The following LRP1B variants were observed in gnomAD, a reference collection of about 807,000 sequenced individuals.
The protein encoded by LRP1B is low-density lipoprotein receptor-related protein 1B.
LRP1B carries 217 observed loss-of-function variants against 556.6 expected under a neutral mutation model. The observed-to-expected ratio is 0.39, with a 90% CI of 0.35 to 0.44. The LOEUF (loss-of-function observed/expected upper bound fraction) is 0.44, where lower values mean the gene tolerates loss of function less well. Among genes scored for constraint, LRP1B ranks in the 20% least tolerant of loss-of-function variants. The pLI is 1.00. For synonymous variants in LRP1B, 2,047 were observed against 1,865.8 expected, an observed-to-expected ratio of 1.10 and a Z score of -2.50; for missense variants, 5,053 against 5,620.8, an observed-to-expected ratio of 0.90 and a Z score of 3.23.
chr2:141,554,366 G>C (rs947913723), intron 2 of LRP1B, among the ~76,000 whole-genome samples: 32 of 149,172 alleles, frequency 2.1e-4, no homozygotes, highest in East Asian at 6.1e-4. Context: ...CATAGATATA[G>C]ATTATATATC....
chr2:140,406,997 T>C (rs903021083), intron 66 of LRP1B, among the ~76,000 whole-genome samples: 1 of 152,048 alleles, frequency 6.6e-6, no homozygotes, highest in African/African-American at 2.4e-5. Context: ...AATCGGCACG[T>C]AGGCCAGTAG....
rs531043547 is a variant in LRP1B, at chr2:140,614,542, C to T, written c.6800-12903G>A. ...TCTATTCTAAACAAATATTTTTTGT[C>T]TGTTGAGAATAAGAGCAGAAAATTG... On this transcript the variant is annotated intron_variant, in intron 41 of 90. Transcript: ENST00000389484. Among the ~76,000 whole-genome samples, 19 of 152,066 alleles carry T rather than the reference C, an allele frequency of 1.2e-4. No homozygotes were observed. In the South Asian group the frequency reaches 3.9e-3, roughly 32 times the overall value.
At chr2:141,057,597 T>C (rs1463224970) in intron 9 of LRP1B, among the ~76,000 whole-genome samples, 1 of 151,854 alleles carries the variant, frequency 6.6e-6, no homozygotes, top group Non-Finnish European at 1.5e-5. Flanking sequence ...TCATGAGATC[T>C]GATGGTTTTA....
At position 140,308,858 on chromosome 2, in the gene LRP1B, A is replaced by C. The variant is rs186281785; in HGVS notation, c.12805+6077T>G. ...CTCAAAACATTTCTACTATTTGGACAGTAGCCACATTCCTGTCCCTTTATA... is the reference window on the plus strand; with the variant it reads ...CTCAAAACATTTCTACTATTTGGACCGTAGCCACATTCCTGTCCCTTTATA... On this transcript the variant is annotated intron_variant, in intron 83 of 90. Coordinates refer to ENST00000389484, the MANE Select transcript of LRP1B (RefSeq NM_018557.3). Among the ~76,000 whole-genome samples the C allele has an allele frequency of 2.6e-4, 40 of 151,962 alleles. 1 individual carries two copies. The highest frequency in any genetic ancestry group is 6.8e-3 in the Middle Eastern group (2 of 294).
At position 140,760,491 on chromosome 2, in the gene LRP1B, G is replaced by C. The variant is rs550411955; in HGVS notation, c.5758+8722C>G. On this transcript the variant is annotated intron_variant, in intron 35 of 90. Coordinates refer to ENST00000389484, the MANE Select transcript of LRP1B (RefSeq NM_018557.3). ...AAATTATCAGTACTAGGGCTACCTT[G>C]CTCCCTAGCTTGGCCTTCTGAATCC... 6.6e-5 allele frequency among the ~76,000 whole-genome samples: 10 copies of C among 152,294 alleles called. No individual in the cohort carries two copies. In the South Asian group the frequency reaches 1.7e-3, roughly 25 times the overall value.
At chr2:141,065,335 A>G (rs555031893) in intron 7 of LRP1B, among the ~76,000 whole-genome samples, 14 of 152,094 alleles carry the variant, frequency 9.2e-5, no homozygotes, top group African/African-American at 3.4e-4. Context: ...TATATCTCTC[A>G]TAATCAATTC....
chr2:141,911,435 A>C (rs1367700730), intron 1 of LRP1B, among the ~76,000 whole-genome samples: 1 of 152,140 alleles, frequency 6.6e-6, no homozygotes, highest in East Asian at 1.9e-4. Context: ...ACCCCTACCT[A>C]GTTTATTTCT....
chr2:140,834,005 C>T (rs1449755245), intron 31 of LRP1B, among the ~76,000 whole-genome samples: 2 of 152,154 alleles, frequency 1.3e-5, no homozygotes, highest in East Asian at 1.9e-4. Context: ...GTTGCCGATA[C>T]TATTGTTTAT....
intron 7 of LRP1B, among the ~76,000 whole-genome samples, chr2:141,137,222 C>T (rs2105044133): frequency 6.6e-6 from 1 of 151,994 alleles, no homozygotes; most frequent in East Asian, 1.9e-4. Flanking sequence ...GAACATCGGC[C>T]TAATAGACTT....
intron 43 of LRP1B, among the ~76,000 whole-genome samples, chr2:140,573,566 G>A (rs937745576): frequency 6.6e-6 from 1 of 151,988 alleles, no homozygotes; most frequent in African/African-American, 2.4e-5. Context: ...AATGCACTGA[G>A]TTTTTATTCT....
At chr2:140,281,506 AATGATCATATAGG>A (rs1682911474) in intron 84 of LRP1B, among the ~76,000 whole-genome samples, 1 of 151,830 alleles carries the variant, frequency 6.6e-6, no homozygotes, top group Non-Finnish European at 1.5e-5. Context: ...GCTAATACAG[AATGATCATATAGG>A]AGAAACTATA....
In LRP1B at chr2:141,126,538, A is replaced by G. The variant is rs1215103562; in HGVS notation, c.1013+61883T>C. ...TCATTTCTTGACTCTCAAGCCTGGA[A>G]CTTCATTGAAGTTTTTTTTCTTCCT... On this transcript the variant is annotated intron_variant, in intron 7 of 90. Coordinates refer to ENST00000389484, the MANE Select transcript of LRP1B (RefSeq NM_018557.3). Among the ~76,000 whole-genome samples, 5 of 152,110 alleles carry G rather than the reference A, an allele frequency of 3.3e-5. No individual in the cohort carries two copies. In the South Asian group the frequency reaches 1.0e-3, roughly 32 times the overall value.
chr2:141,558,349 A>C (rs1207051561), intron 2 of LRP1B, among the ~76,000 whole-genome samples: 1 of 151,768 alleles, frequency 6.6e-6, no homozygotes, highest in African/African-American at 2.4e-5. Flanking sequence ...GAGAAAAAAG[A>C]GGTAGATATT....
intron 1 of LRP1B, among the ~76,000 whole-genome samples, chr2:142,051,471 GTTTTTTTGT>G (rs146491677): frequency 0.53 from 79,723 of 150,014 alleles, 21,805 homozygotes; most frequent in East Asian, 0.68. Context: ...GTGTTTTTTT[GTTTTTTTGT>G]TTTTTTTTTG....
At chr2:141,896,130 T>G (rs1329229691) in intron 1 of LRP1B, among the ~76,000 whole-genome samples, 1 of 152,142 alleles carries the variant, frequency 6.6e-6, no homozygotes, top group Non-Finnish European at 1.5e-5. Flanking sequence ...CCAAAATATA[T>G]TTGAAGTATC....
intron 23 of LRP1B, among the ~76,000 whole-genome samples, chr2:140,887,509 A>T (rs2105195049): frequency 6.6e-6 from 1 of 152,264 alleles, no homozygotes; most frequent in East Asian, 1.9e-4. Flanking sequence ...ACAAAAACTA[A>T]CTCAAACTGT....
At chr2:140,493,525 C>G (rs576146910) in intron 56 of LRP1B, among the ~76,000 whole-genome samples, 17 of 152,062 alleles carry the variant, frequency 1.1e-4, no homozygotes, top group African/African-American at 3.9e-4. Flanking sequence ...ACCACATTCT[C>G]AGTGGTTATA....
chr2:141,695,268 C>T (rs35277594), intron 2 of LRP1B, among the ~76,000 whole-genome samples: 13,244 of 151,932 alleles, frequency 0.087, 738 homozygotes, highest in South Asian at 0.15. Flanking sequence ...TATTCTGATG[C>T]CTCCTGGGGC....
intron 11 of LRP1B, among the ~76,000 whole-genome samples, chr2:141,044,602 TG>T (rs1190873920): frequency 5.3e-5 from 8 of 151,554 alleles, no homozygotes; most frequent in Non-Finnish European, 1.0e-4. Context: ...CATCAAAAAG[TG>T]GGCAAAGGAC....
Sources: gnomAD v4.1 joint callset for allele counts (sites outside exome capture counted in the v4.1 genomes callset) on GRCh38, gnomAD v4.1.1 for gene constraint, MANE v1.5 for transcripts, NCBI Gene and HGNC (gene_info 2026-07-23, HGNC 2026-07-21) for gene names.